Variants in SH3BGRL2 observed in about 807,000 individuals in gnomAD.
SH3BGRL2 encodes SH3 domain binding glutamate rich protein like 2.
SH3BGRL2 carries 21 observed loss-of-function variants against 14.8 expected under a neutral mutation model. The ratio of observed to expected loss-of-function variants is 1.42; its 90% CI spans 1.01 to 2.05. The LOEUF is 2.05. Ranked by LOEUF, SH3BGRL2 falls within the 30% of genes most tolerant of loss-of-function variation. SH3BGRL2 has a pLI of 0.00. For synonymous variants in SH3BGRL2, 50 were observed against 47.8 expected (o/e 1.05, Z -0.19); for missense variants, 147 against 130.8 (o/e 1.12, Z -0.61).
the SH3BGRL2 span, among the ~76,000 whole-genome samples, chr6:79,555,844 A>G: frequency 2.0e-5 from 3 of 152,220 alleles, no homozygotes; most frequent in African/African-American, 7.2e-5. Context: ...AATAATTATG[A>G]AGAAAGATGT....
At chr6:79,584,201 A>G in the SH3BGRL2 span, among the ~76,000 whole-genome samples, 1 of 152,108 alleles carries the variant, frequency 6.6e-6, no homozygotes, top group Non-Finnish European at 1.5e-5. Context: ...GTATATATTA[A>G]GCACCATATG....
chr6:79,673,449 G>T (rs1307307472), intron 1 of SH3BGRL2, among the ~76,000 whole-genome samples, 165 bp from the exon 2 acceptor site: 1 of 152,104 alleles, frequency 6.6e-6, no homozygotes, highest in Non-Finnish European at 1.5e-5. Flanking sequence ...CTGTGTTGGG[G>T]CTGGCTCAGT....
chr6:79,566,541 C>T, the SH3BGRL2 span, among the ~76,000 whole-genome samples: 2 of 152,142 alleles, frequency 1.3e-5, no homozygotes, highest in Admixed American at 6.5e-5. Flanking sequence ...ATAATCAGAA[C>T]TACAAAGTTT....
At chr6:79,631,306 T>C (rs1206983924), upstream of SH3BGRL2, 2 of 587,088 alleles carry the variant, frequency 3.4e-6, 1 homozygote, top group South Asian at 7.9e-5. Context: ...GGCTTTTATC[T>C]GCGGACCCGC....
upstream of SH3BGRL2, among the ~76,000 whole-genome samples, chr6:79,627,151 T>G (rs751880201): frequency 3.3e-5 from 5 of 152,156 alleles, 1 homozygote; most frequent in Non-Finnish European, 7.3e-5. Flanking sequence ...GCTCAAAGCT[T>G]CTCATCCCAA....
the SH3BGRL2 span, among the ~76,000 whole-genome samples, chr6:79,605,908 T>C: frequency 2.6e-5 from 4 of 152,200 alleles, no homozygotes; most frequent in African/African-American, 7.2e-5. Context: ...TTAGTAGAAA[T>C]TTTTACTTTG....
chr6:79,638,094 C>T (rs1768962007), intron 1 of SH3BGRL2, among the ~76,000 whole-genome samples: 1 of 151,972 alleles, frequency 6.6e-6, no homozygotes. Flanking sequence ...TTATCAGTCC[C>T]CTCAAATATT....
At chr6:79,538,423 C>T in the SH3BGRL2 span, among the ~76,000 whole-genome samples, 2 of 152,288 alleles carry the variant, frequency 1.3e-5, no homozygotes, top group East Asian at 3.9e-4. Context: ...CATTTTACTT[C>T]AAGTTACAGA....
At chr6:79,664,120 C>T (rs879343762) in intron 1 of SH3BGRL2, among the ~76,000 whole-genome samples, 4 of 152,364 alleles carry the variant, frequency 2.6e-5, no homozygotes, top group Non-Finnish European at 4.4e-5. Context: ...CCCTGTCCTT[C>T]CCAGGTGAGG....
chr6:79,539,815 G>T, the SH3BGRL2 span, among the ~76,000 whole-genome samples: 1 of 152,202 alleles, frequency 6.6e-6, no homozygotes, highest in Non-Finnish European at 1.5e-5. Context: ...AATTTGTAAA[G>T]TGGGGGGACA....
intron 1 of SH3BGRL2, among the ~76,000 whole-genome samples, chr6:79,661,247 T>C (rs1769540527): frequency 6.6e-6 from 1 of 152,226 alleles, no homozygotes; most frequent in African/African-American, 2.4e-5. Flanking sequence ...AGATCTTTCC[T>C]GCTTTCTCCT....
intron 1 of SH3BGRL2, among the ~76,000 whole-genome samples, chr6:79,639,740 C>T (rs181496091): frequency 1.8e-4 from 28 of 152,150 alleles, no homozygotes; most frequent in Admixed American, 1.8e-3. Flanking sequence ...CTCAGGAGAC[C>T]CTTTTAGGCT....
At chr6:79,572,667 G>T in the SH3BGRL2 span, among the ~76,000 whole-genome samples, 1 of 151,718 alleles carries the variant, frequency 6.6e-6, no homozygotes, top group Non-Finnish European at 1.5e-5. Flanking sequence ...GGGTTTCACT[G>T]TGTTAGCCAG....
the SH3BGRL2 span, among the ~76,000 whole-genome samples, chr6:79,540,942 G>A: frequency 0.012 from 1,884 of 152,124 alleles, 43 homozygotes; most frequent in African/African-American, 0.043. Context: ...ATGCTGTTTT[G>A]ACTGACGTGG....
chr6:79,569,097 C>T, the SH3BGRL2 span, among the ~76,000 whole-genome samples: 6 of 152,048 alleles, frequency 3.9e-5, no homozygotes, highest in East Asian at 1.9e-4. Flanking sequence ...AATACATGTA[C>T]GATGTACATT....
intron 2 of SH3BGRL2, among the ~76,000 whole-genome samples, chr6:79,679,060 G>A (rs1389856972): frequency 2.0e-5 from 3 of 152,096 alleles, no homozygotes; most frequent in Admixed American, 6.6e-5. Context: ...TTGCTATTGT[G>A]CATAGTGCAG....
intron 1 of SH3BGRL2, among the ~76,000 whole-genome samples, chr6:79,640,222 T>C (rs1769003396): frequency 6.6e-6 from 1 of 152,196 alleles, no homozygotes; most frequent in Non-Finnish European, 1.5e-5. Context: ...GCAGTTTCCC[T>C]TCTGTCTCCC....
At chr6:79,693,424 C>CATCAATACCTAA (rs1562160016) in intron 2 of SH3BGRL2, among the ~76,000 whole-genome samples, 4 of 150,924 alleles carry the variant, frequency 2.7e-5, no homozygotes, top group African/African-American at 9.9e-5. Flanking sequence ...GAGGGCATCC[C>CATCAATACCTAA]TGTCTTGTGC....
At chr6:79,577,919 A>C in the SH3BGRL2 span, among the ~76,000 whole-genome samples, 274 of 152,344 alleles carry the variant, frequency 1.8e-3, no homozygotes, top group Middle Eastern at 0.031. Flanking sequence ...TCCCACCCAA[A>C]TGCAATGCTT....
Sources: allele counts gnomAD v4.1 joint callset (sites outside exome capture counted in the v4.1 genomes callset), GRCh38; gene constraint gnomAD v4.1.1; transcripts MANE v1.5; gene names NCBI Gene and HGNC (gene_info 2026-07-23, HGNC 2026-07-21).